STK11IP: variants seen among roughly 807,000 people sequenced by gnomAD.
STK11IP encodes serine/threonine-protein kinase 11-interacting protein.
STK11IP carries 103 observed loss-of-function variants against 131.7 expected under a neutral mutation model. The observed-to-expected ratio is 0.78, with a 90% CI of 0.67 to 0.92. STK11IP has a LOEUF of 0.92. Ranked by LOEUF, STK11IP falls within the 40% of genes least tolerant of loss-of-function variation. The pLI is 0.00. For missense variants in STK11IP, 1,315 were observed against 1,385.7 expected, an observed-to-expected ratio of 0.95 and a Z score of 0.81; for synonymous variants, 557 against 575.6, an observed-to-expected ratio of 0.97 and a Z score of 0.46.
chr2:219,599,400 C>T (rs7604210), intron 2 of STK11IP, among the ~76,000 whole-genome samples: 14,275 of 152,178 alleles, frequency 0.094, 2,169 homozygotes, highest in African/African-American at 0.32. Context: ...GTAGCAGTTT[C>T]ATTTCCTGGC....
In STK11IP at chr2:219,611,711, C is replaced by T. The variant is rs201409824; in HGVS notation, c.2212C>T (p.Pro738Ser). 13 of 1,613,100 alleles carry T rather than the reference C, an allele frequency of 8.1e-6. No homozygotes were observed. In the Admixed American group the frequency reaches 2.0e-4, roughly 25 times the overall value. Reference sequence around the variant, plus strand: ...GAAACAGGGAGAGCAGTCTCTGGCTCCTTCTCCGTCTGCCAGCCCTGTCTG... The same window carrying T: ...GAAACAGGGAGAGCAGTCTCTGGCTTCTTCTCCGTCTGCCAGCCCTGTCTG... ...ERKQGEQSLA[P>S]SPSASPVCHP... Residue 738 changes from proline (P) to serine (S), a missense_variant, in exon 18 of 25, where the codon CCT becomes TCT. Coordinates refer to ENST00000456909, the MANE Select transcript of STK11IP (RefSeq NM_052902.4).
intron 2 of STK11IP, chr2:219,598,447 C>T: frequency 2.4e-6 from 1 of 408,464 alleles, no homozygotes; most frequent in Non-Finnish European, 4.3e-6. Flanking sequence ...GTGATCATTA[C>T]CTGACTAAAA....
At chr2:219,598,279 T>A (rs1206257394) in intron 2 of STK11IP, 99 bp downstream of exon 2, 4 of 858,306 alleles carry the variant, frequency 4.7e-6, no homozygotes, top group Non-Finnish European at 7.0e-6. Context: ...TTACGACTGG[T>A]AGGGTCACCA....
chr2:219,606,616 C>G (rs1698173117), intron 11 of STK11IP, 96 bp from the exon 12 acceptor site: 3 of 1,602,512 alleles, frequency 1.9e-6, no homozygotes, highest in Non-Finnish European at 2.6e-6. Context: ...TCTTCCTGGT[C>G]AGTGGAAAGT....
intron 2 of STK11IP, among the ~76,000 whole-genome samples, chr2:219,600,254 C>T (rs1000275226): frequency 2.6e-5 from 4 of 151,574 alleles, no homozygotes; most frequent in South Asian, 2.1e-4. Flanking sequence ...TTAGTAGAGA[C>T]GAGGTTAGAG....
rs367636886 is a variant in STK11IP, at chr2:219,608,182, C to T, written c.1355C>T (p.Ala452Val). 2.5e-5 allele frequency: 40 copies of T among 1,613,656 alleles called. No homozygotes were observed. The highest frequency in any genetic ancestry group is 3.3e-5 in the Non-Finnish European group (39 of 1,179,896). The change falls in exon 14 of 25, where the codon GCA becomes GTA. Residue 452 changes from alanine (A) to valine (V), a missense_variant. Coordinates refer to ENST00000456909, the MANE Select transcript of STK11IP (RefSeq NM_052902.4). ...CTGCCGGCCACCCCCACTACTTCTGCACCCAGTGCACCTCCAGCCAGCTCC... is the reference window on the plus strand; with the variant it reads ...CTGCCGGCCACCCCCACTACTTCTGTACCCAGTGCACCTCCAGCCAGCTCC... ...NPLPATPTTS[A>V]PSAPPASSQG...
intron 17 of STK11IP, among the ~76,000 whole-genome samples, chr2:219,610,930 G>C (rs1051574675): frequency 6.6e-6 from 1 of 152,182 alleles, no homozygotes; most frequent in Non-Finnish European, 1.5e-5. Flanking sequence ...TTGCAAAATG[G>C]GATAGGGAGA....
At chr2:219,611,566 G>C (rs750771716) in intron 17 of STK11IP, 38 bp from the exon 18 acceptor site, 18 of 1,532,704 alleles carry the variant, frequency 1.2e-5, no homozygotes, top group Non-Finnish European at 1.5e-5. Context: ...TGGCACTGTG[G>C]GGGGGGCTCA....
intron 24 of STK11IP, 123 bp downstream of exon 24, chr2:219,615,464 C>A: frequency 1.5e-6 from 2 of 1,313,492 alleles, no homozygotes; most frequent in Non-Finnish European, 2.1e-6. Flanking sequence ...ATGGCACTTA[C>A]AGATGAGAGA....
At position 219,611,956 on chromosome 2, in the gene STK11IP, C is replaced by T. The variant is rs1162370088; in HGVS notation, c.2337C>T (p.Pro779=). Reference sequence around the variant, plus strand: ...CTGATGCCCCCTCATTGCCCTCAGCCCCTGAGCGCTGTGGCCTCCGCTCTG... The same window carrying T: ...CTGATGCCCCCTCATTGCCCTCAGCTCCTGAGCGCTGTGGCCTCCGCTCTG... The part of the protein sequence containing the change: ...RDHGSWSLSP[P]PERCGLRSVD... The change falls in exon 19 of 25, where the codon CCC becomes CCT. Residue 779 remains proline, a splice_region_variant and synonymous_variant. Coordinates refer to ENST00000456909, the MANE Select transcript of STK11IP (RefSeq NM_052902.4). 4.4e-6 allele frequency: 7 copies of T among 1,592,766 alleles called. No homozygotes were observed. Among genetic ancestry groups the T allele is most frequent in the Admixed American group, 1.7e-5 (1 of 57,366 alleles).
intron 10 of STK11IP, 32 bp downstream of exon 10, chr2:219,606,322 C>T (rs911437928): frequency 1.9e-6 from 3 of 1,551,708 alleles, no homozygotes; most frequent in Non-Finnish European, 2.6e-6. Flanking sequence ...ACTCTTCTTC[C>T]CCTTTCCTGC....
chr2:219,606,529 T>TG lies in STK11IP; in HGVS notation c.987+18dup, dbSNP rs1351345887. The TG allele has an allele frequency of 1.9e-6, 3 of 1,612,438 alleles. No individual in the cohort carries two copies. The highest frequency in any genetic ancestry group is 2.2e-5 in the South Asian group (2 of 90,838). On this transcript the variant is annotated intron_variant, in intron 11 of 24. Transcript: ENST00000456909. The stretch of plus-strand genomic sequence containing the variant: ...TGACAGATTTTCAGGTCGGTGTGGT[T>TG]GGGGGGCGAGGACTGTTGGGGGAAG...
rs1405497127 is a variant in STK11IP, at chr2:219,606,209, G to T, written c.864G>T (p.Gly288=). Residue 288 remains glycine (G), a synonymous_variant, in exon 10 of 25, where the codon GGG becomes GGT. Transcript: ENST00000456909. The part of the protein sequence containing the change: ...LAELRKLYLE[G]NPLWFHPEHR... ...CTGCCCCTCAGCTCTACCTGGAGGG[G>T]AACCCTCTTTGGTTCCACCCTGAGC... 1 of 1,566,284 alleles carries T rather than the reference G, an allele frequency of 6.4e-7. No individual in the cohort carries two copies. The highest frequency in any genetic ancestry group is 2.4e-5 in the East Asian group (1 of 41,898).
At chr2:219,612,711 G>T (rs532686881) in intron 19 of STK11IP, among the ~76,000 whole-genome samples, 3 of 152,208 alleles carry the variant, frequency 2.0e-5, no homozygotes, top group Non-Finnish European at 4.4e-5. Flanking sequence ...GCAGGGCGAG[G>T]GGCAGGGGTC....
intron 3 of STK11IP, 96 bp downstream of exon 3, chr2:219,601,536 G>A (rs748875346): frequency 6.4e-7 from 1 of 1,556,300 alleles, no homozygotes. Context: ...GCAGTGCCAG[G>A]ATCCAGAGGG....
rs371891509 is a variant in STK11IP at position 219,609,227 on chromosome 2, G to C, written c.1926+14G>C. 1.3e-6 allele frequency: 2 copies of C among 1,587,464 alleles called. No homozygotes were observed. The highest frequency in any genetic ancestry group is 2.7e-5 in the African/African-American group (2 of 74,348). The stretch of plus-strand genomic sequence containing the variant: ...GCAGCTGTCCAGGTGATGGCGCCCA[G>C]AGTGGGGGCCCAGGAGGCTGTGGGG... On this transcript the variant is annotated intron_variant, in intron 16 of 24. Transcript: ENST00000456909.
Position 219,597,899 on chromosome 2 carries a change from TA to T in STK11IP, c.-50del, listed in dbSNP as rs755873197. The T allele has an allele frequency of 6.2e-7, 1 of 1,611,146 alleles. No individual in the cohort carries two copies. The highest frequency in any genetic ancestry group is 8.5e-7 in the Non-Finnish European group (1 of 1,178,710). Reference sequence around the variant, plus strand: ...GATAGGCGCCGGGCAGCTGAGCTGGTAGGAGGACCAGACGGGGAGGTTCGGT... The same window carrying T: ...GATAGGCGCCGGGCAGCTGAGCTGGTGGAGGACCAGACGGGGAGGTTCGGT... On this transcript the variant is annotated 5_prime_UTR_variant, in exon 1 of 25. Coordinates refer to ENST00000456909, the MANE Select transcript of STK11IP (RefSeq NM_052902.4).
chr2:219,606,468 T>C lies in STK11IP; in HGVS notation c.946-8T>C, dbSNP rs1327007162. The stretch of plus-strand genomic sequence containing the variant: ...ACATACTCCCTCCCCCTTTTTGTCT[T>C]TGCTCAGTTCCTTCTCGATGGCAAG... On this transcript the variant is annotated splice_polypyrimidine_tract_variant and splice_region_variant and intron_variant, in intron 10 of 24. Transcript: ENST00000456909. The C allele has an allele frequency of 6.2e-7, 1 of 1,610,992 alleles. No individual in the cohort carries two copies. Among genetic ancestry groups the C allele is most frequent in the African/African-American group, 1.3e-5 (1 of 75,014 alleles).
chr2:219,607,927 C>T (rs1698245779), intron 13 of STK11IP, 120 bp from the exon 14 acceptor site: 1 of 1,370,296 alleles, frequency 7.3e-7, no homozygotes, highest in Non-Finnish European at 9.8e-7. Context: ...CTGTAGCCTC[C>T]CTTGCCCGTG....
Sources: allele counts gnomAD v4.1 joint callset (sites outside exome capture counted in the v4.1 genomes callset), GRCh38; gene constraint gnomAD v4.1.1; transcripts MANE v1.5; gene names NCBI Gene and HGNC (gene_info 2026-07-23, HGNC 2026-07-21).